Variants in PATL2 observed in about 807,000 individuals in gnomAD.
PATL2 encodes the protein PAT1 homolog 2.
A neutral mutation model predicts 77.0 loss-of-function variants in PATL2; 73 were observed. That is an observed-to-expected ratio of 0.95 (90% CI 0.78 to 1.15). PATL2 has a LOEUF of 1.15. Ranked by LOEUF, PATL2 falls within the 50% of genes most tolerant of loss-of-function variation. The pLI is 0.00. For synonymous variants in PATL2, 265 were observed against 257.1 expected, an observed-to-expected ratio of 1.03 and a Z score of -0.29; for missense variants, 618 against 655.4, an observed-to-expected ratio of 0.94 and a Z score of 0.62.
rs756229620 is a variant in PATL2, at chr15:44,668,975, A to T, written c.1224+5T>A. 1.6e-5 allele frequency: 24 copies of T among 1,534,432 alleles called. No homozygotes were observed. In the South Asian group the frequency reaches 2.7e-4, roughly 17 times the overall value. ...CATCCTCTTCTCCACTCAATGCCACAGTACCTGATCAGCCACATCCCTCCG... is the reference window on the plus strand; with the variant it reads ...CATCCTCTTCTCCACTCAATGCCACTGTACCTGATCAGCCACATCCCTCCG... On this transcript the variant is annotated splice_donor_5th_base_variant and intron_variant, in intron 14 of 17. Transcript: ENST00000682850.
rs1274092729 is a variant in PATL2 at position 44,693,164 on chromosome 15, CT to C, written c.-75-16600del. Among the ~76,000 whole-genome samples, 4 of 152,260 alleles carry C rather than the reference CT, an allele frequency of 2.6e-5. No individual in the cohort carries two copies. The East Asian group carries it at 7.7e-4, about 29-fold the overall frequency. ...AACCAAGGCCAAAATGTCCATGATT[CT>C]GGAAAAAGGGGAAGAACTAATTTTC... On this transcript the variant is annotated intron_variant, in intron 3 of 17. Coordinates refer to ENST00000682850, the MANE Select transcript of PATL2 (RefSeq NM_001387263.1).
chr15:44,708,385 T>C (rs1272283129), intron 3 of PATL2, among the ~76,000 whole-genome samples: 3 of 152,234 alleles, frequency 2.0e-5, no homozygotes, highest in Admixed American at 6.5e-5. Flanking sequence ...AAGTATACAA[T>C]AAGTTCTAAA....
chr15:44,693,401 TG>T (rs1300085407), intron 3 of PATL2, among the ~76,000 whole-genome samples: 1 of 152,206 alleles, frequency 6.6e-6, no homozygotes, highest in Non-Finnish European at 1.5e-5. Context: ...CCTTGATTCA[TG>T]GCCTGTTCCT....
Position 44,669,643 on chromosome 15 carries a change from T to A in PATL2, c.877-80A>T, listed in dbSNP as rs547338238. ...CCCAGGCCCCCAACTAGCTAGAGAT[T>A]GAGCTGGAAAGGCTAGAAACAAAGT... is the stretch of plus-strand genomic sequence containing the variant. On this transcript the variant is annotated intron_variant, in intron 11 of 17. Transcript: ENST00000682850. The A allele has an allele frequency of 2.0e-6, 3 of 1,520,202 alleles. No homozygotes were observed. The African/African-American group carries it at 4.2e-5, about 21-fold the overall frequency. The allele number at this position is 1,520,202 out of a possible 1,614,324, so 94.2% of individuals were successfully genotyped here.
rs1159754270 is a variant in PATL2, at chr15:44,673,227, A to G, written c.446+8T>C. On this transcript the variant is annotated splice_region_variant and intron_variant, in intron 7 of 17. Coordinates refer to ENST00000682850, the MANE Select transcript of PATL2 (RefSeq NM_001387263.1). Reference sequence around the variant, plus strand: ...CTGAGACCTCTGGGGAGAACCTCAAACCAGTACCTGAACCTAGGGGGCCAC... The same window carrying G: ...CTGAGACCTCTGGGGAGAACCTCAAGCCAGTACCTGAACCTAGGGGGCCAC... 6.4e-7 allele frequency: 1 copy of G among 1,550,984 alleles called. No individual in the cohort carries two copies. The highest frequency in any genetic ancestry group is 2.0e-5 in the Admixed American group (1 of 50,966).
chr15:44,678,951 G>C (rs970263991), intron 3 of PATL2, among the ~76,000 whole-genome samples: 3 of 151,988 alleles, frequency 2.0e-5, no homozygotes, highest in Non-Finnish European at 4.4e-5. Flanking sequence ...ATATCTTCTA[G>C]GAATTTGTCC....
At chr15:44,668,582 C>T (rs778050603) in intron 14 of PATL2, 100 bp from the exon 15 acceptor site, 160 of 1,418,118 alleles carry the variant, frequency 1.1e-4, no homozygotes, top group Middle Eastern at 2.5e-4. Context: ...GTCTTTGGCA[C>T]GTCCTGGTGA....
At position 44,673,252 on chromosome 15, in the gene PATL2, C is replaced by T. The variant is rs770246020; in HGVS notation, c.429G>A (p.Ser143=). 3.2e-5 allele frequency: 49 copies of T among 1,551,360 alleles called. No homozygotes were observed. The highest frequency in any genetic ancestry group is 1.7e-4 in the Middle Eastern group (1 of 5,940). Residue 143 remains serine (S), a synonymous_variant, in exon 7 of 18, where the codon TCG becomes TCA. Transcript: ENST00000682850. ...DPTLFCSLLT[S]WPPRFSHLTQ... is the part of the protein sequence containing the mutation. Reference sequence around the variant, plus strand: ...ACCAGTACCTGAACCTAGGGGGCCACGAGGTCAGCAGGCTGCAGAAGAGAG... The same window carrying T: ...ACCAGTACCTGAACCTAGGGGGCCATGAGGTCAGCAGGCTGCAGAAGAGAG...
chr15:44,676,458 G>T lies in PATL2; in HGVS notation c.16+17C>A, dbSNP rs749173167. The T allele has an allele frequency of 1.3e-6, 2 of 1,542,340 alleles. No individual in the cohort carries two copies. Among genetic ancestry groups the T allele is most frequent in the South Asian group, 1.2e-5 (1 of 83,884 alleles). On this transcript the variant is annotated intron_variant, in intron 4 of 17. Coordinates refer to ENST00000682850, the MANE Select transcript of PATL2 (RefSeq NM_001387263.1). ...GCTGGGGCATTTTATATAACATCACGGCCCACTTGTTGATACCTTCAAGGC... is the reference window on the plus strand; with the variant it reads ...GCTGGGGCATTTTATATAACATCACTGCCCACTTGTTGATACCTTCAAGGC...
chr15:44,702,431 A>G (rs187769324), intron 3 of PATL2, among the ~76,000 whole-genome samples: 1 of 152,106 alleles, frequency 6.6e-6, no homozygotes, highest in African/African-American at 2.4e-5. Flanking sequence ...CTTTAAAAAA[A>G]CAACTTTTCT....
intron 3 of PATL2, among the ~76,000 whole-genome samples, chr15:44,679,552 C>CTTTTTTTTTTTTTTTTTTTTTTT (rs545161525): frequency 8.7e-6 from 1 of 114,356 alleles, no homozygotes; most frequent in African/African-American, 3.3e-5. Context: ...TTTTCTTTTT[C>CTTTTTTTTTTTTTTTTTTTTTTT]TTTTTTTTTT....
intron 3 of PATL2, chr15:44,676,969 A>G: frequency 1.0e-6 from 1 of 968,998 alleles, no homozygotes; most frequent in Non-Finnish European, 1.2e-6. Flanking sequence ...TCCCCTGCTC[A>G]CCCATTAAAG....
At chr15:44,685,317 G>GGA (rs1211546111) in intron 3 of PATL2, among the ~76,000 whole-genome samples, 3 of 152,186 alleles carry the variant, frequency 2.0e-5, no homozygotes, top group Non-Finnish European at 4.4e-5. Flanking sequence ...TGGATAAAAA[G>GGA]TCAAGACCCT....
chr15:44,679,038 T>C (rs1322830163), intron 3 of PATL2, among the ~76,000 whole-genome samples: 1 of 152,162 alleles, frequency 6.6e-6, no homozygotes, highest in East Asian at 1.9e-4. Context: ...ATGCTATAAC[T>C]GTACTTTGTC....
intron 3 of PATL2, among the ~76,000 whole-genome samples, chr15:44,685,821 A>G (rs945433831): frequency 6.6e-5 from 10 of 152,186 alleles, no homozygotes; most frequent in Non-Finnish European, 1.2e-4. Flanking sequence ...AGGGCATTAC[A>G]TAATGGTAAA....
At chr15:44,703,324 G>A (rs1289571311) in intron 3 of PATL2, among the ~76,000 whole-genome samples, 1 of 152,072 alleles carries the variant, frequency 6.6e-6, no homozygotes, top group East Asian at 1.9e-4. Context: ...TGCAGATTAA[G>A]TCTGATGTTT....
At position 44,666,389 on chromosome 15, in the gene PATL2, T is replaced by G. The variant is rs1204248376; in HGVS notation, c.1613+3A>C. 2 of 1,551,558 alleles carry G rather than the reference T, an allele frequency of 1.3e-6. No individual in the cohort carries two copies. The highest frequency in any genetic ancestry group is 2.7e-5 in the African/African-American group (2 of 73,024). ...CTTTGACCTTGTTTCTGCCATTACT[T>G]ACTCCATCCTGGCCTCCAGCTGCTG... On this transcript the variant is annotated splice_donor_region_variant and intron_variant, in intron 17 of 17. Transcript: ENST00000682850.
At chr15:44,705,974 AT>A (rs1296177766) in intron 3 of PATL2, among the ~76,000 whole-genome samples, 1 of 151,826 alleles carries the variant, frequency 6.6e-6, no homozygotes, top group African/African-American at 2.4e-5. Context: ...CTATTTTTGT[AT>A]TTTTAGTAGA....
chr15:44,676,618 TG>T, intron 3 of PATL2, 53 bp from the exon 4 acceptor site: 1 of 1,452,736 alleles, frequency 6.9e-7, no homozygotes, highest in Non-Finnish European at 9.4e-7. Flanking sequence ...AAGGATGACA[TG>T]GCACCCTAAA....
Sources: gnomAD v4.1 joint callset for allele counts (sites outside exome capture counted in the v4.1 genomes callset) on GRCh38, gnomAD v4.1.1 for gene constraint, MANE v1.5 for transcripts, NCBI Gene and HGNC (gene_info 2026-07-23, HGNC 2026-07-21) for gene names.